Variants in IARS2 observed in about 807,000 individuals in gnomAD.
IARS2 encodes the protein isoleucine--tRNA ligase, mitochondrial.
Under a neutral mutation model 126.3 loss-of-function variants are expected in IARS2, and 56 were observed. The observed-to-expected ratio is 0.44, with a 90% confidence interval of 0.36 to 0.55. The LOEUF is 0.55. Among genes scored for constraint, IARS2 ranks in the 20% least tolerant of loss-of-function variants. The pLI, the probability that IARS2 is intolerant of heterozygous loss-of-function variation, is 0.00. For synonymous variants in IARS2, 407 were observed against 441.1 expected (o/e 0.92, Z 0.97); for missense variants, 1,127 against 1,245.9 (o/e 0.90, Z 1.44).
intron 17 of IARS2, among the ~76,000 whole-genome samples, 191 bp from the exon 18 acceptor site, chr1:220,138,817 G>T (rs1398178481): frequency 6.6e-6 from 1 of 151,974 alleles, no homozygotes; most frequent in Admixed American, 6.6e-5. Context: ...TCCTATAACT[G>T]GGCTATTGGA....
intron 2 of IARS2, 54 bp downstream of exon 2, chr1:220,096,280 T>C: frequency 9.1e-7 from 1 of 1,098,484 alleles, no homozygotes; most frequent in Non-Finnish European, 1.3e-6. Context: ...GTAAATACTC[T>C]TTATAAATGT....
chr1:220,119,279 G>C (rs1656989119), intron 12 of IARS2, among the ~76,000 whole-genome samples: 1 of 152,080 alleles, frequency 6.6e-6, no homozygotes, highest in South Asian at 2.1e-4. Context: ...AGGCCTTTGA[G>C]TAAAGTACAA....
At chr1:220,141,327 C>T (rs1368721815) in intron 19 of IARS2, among the ~76,000 whole-genome samples, 4 of 152,234 alleles carry the variant, frequency 2.6e-5, no homozygotes, top group African/African-American at 7.2e-5. Flanking sequence ...GTAGAAGAGG[C>T]CTTGATGCCA....
chr1:220,142,067 C>T (rs1266210800), intron 20 of IARS2, 119 bp downstream of exon 20: 13 of 925,524 alleles, frequency 1.4e-5, no homozygotes, highest in Middle Eastern at 2.5e-4. Context: ...CTGTGTGACA[C>T]AGTGTGTCTT....
At chr1:220,105,820 C>G (rs1656667812) in intron 8 of IARS2, 71 bp from the exon 9 acceptor site, 1 of 1,299,826 alleles carries the variant, frequency 7.7e-7, no homozygotes, top group Non-Finnish European at 1.1e-6. Context: ...ACCTGATACT[C>G]TATTGCTAAG....
chr1:220,105,365 A>G (rs778630028), intron 8 of IARS2, among the ~76,000 whole-genome samples: 2 of 152,214 alleles, frequency 1.3e-5, no homozygotes, highest in Non-Finnish European at 2.9e-5. Flanking sequence ...TTTTGTCTAG[A>G]TAGCATAATT....
rs1656604089 is a variant in IARS2 at position 220,102,778 on chromosome 1, G to A, written c.950+1G>A. ...CTGTTTGCTATATGCCTGAATCAAA[G>A]TGGGTATATTATTGCATTTTTTGTT... On this transcript the variant is annotated splice_donor_variant, in intron 7 of 22. Coordinates refer to ENST00000366922, the MANE Select transcript of IARS2 (RefSeq NM_018060.4). LOFTEE classifies it high-confidence loss of function. 2 of 1,592,290 alleles carry A rather than the reference G, an allele frequency of 1.3e-6. No individual in the cohort carries two copies. The highest frequency in any genetic ancestry group is 1.3e-5 in the African/African-American group (1 of 74,456).
At chr1:220,114,968 A>G (rs1283379154) in intron 12 of IARS2, among the ~76,000 whole-genome samples, 2 of 151,940 alleles carry the variant, frequency 1.3e-5, no homozygotes, top group South Asian at 2.1e-4. Context: ...TTGGAAAGGT[A>G]ATAGATGGAC....
chr1:220,113,637 A>ATAGAGAGAGAGAGAGATTTATTT (rs1553268851), intron 11 of IARS2, among the ~76,000 whole-genome samples: 3,863 of 151,788 alleles, frequency 0.025, 179 homozygotes, highest in African/African-American at 0.089. Context: ...ATATATATAT[A>ATAGAGAGAGAGAGAGATTTATTT]TAGAGAGAGA....
chr1:220,127,926 G>A (rs1272253754), intron 14 of IARS2, among the ~76,000 whole-genome samples: 6 of 151,846 alleles, frequency 4.0e-5, no homozygotes, highest in African/African-American at 7.3e-5. Flanking sequence ...CAGCATATTC[G>A]AGAGAAAATA....
chr1:220,116,042 C>G (rs1656906463), intron 12 of IARS2, among the ~76,000 whole-genome samples: 1 of 152,086 alleles, frequency 6.6e-6, no homozygotes, highest in African/African-American at 2.4e-5. Context: ...GACCCCATCT[C>G]TACAGAAAAA....
intron 8 of IARS2, 152 bp from the exon 9 acceptor site, chr1:220,105,739 G>A: frequency 1.6e-6 from 1 of 616,654 alleles, no homozygotes; most frequent in South Asian, 2.1e-5. Flanking sequence ...ATTATAGAAG[G>A]TCACAGAACA....
intron 12 of IARS2, among the ~76,000 whole-genome samples, chr1:220,119,127 G>A (rs773023324): frequency 1.8e-4 from 27 of 151,352 alleles, no homozygotes; most frequent in Non-Finnish European, 3.4e-4. Flanking sequence ...GCTGCTTAAT[G>A]TCCATAACAC....
chr1:220,113,041 T>A (rs1360116246), intron 11 of IARS2, among the ~76,000 whole-genome samples: 1 of 152,068 alleles, frequency 6.6e-6, no homozygotes, highest in Non-Finnish European at 1.5e-5. Flanking sequence ...TTTTTTGTAT[T>A]TTTGGTAGAG....
intron 22 of IARS2, among the ~76,000 whole-genome samples, 191 bp downstream of exon 22, chr1:220,145,844 G>C (rs1326819153): frequency 1.3e-5 from 2 of 152,152 alleles, no homozygotes; most frequent in African/African-American, 4.8e-5. Context: ...TGATGATCTT[G>C]GGAACTGAGG....
At chr1:220,097,855 A>T (rs534764115) in intron 2 of IARS2, among the ~76,000 whole-genome samples, 3 of 152,108 alleles carry the variant, frequency 2.0e-5, no homozygotes, top group Non-Finnish European at 4.4e-5. Flanking sequence ...GAATAATTCC[A>T]TAAAAAACAG....
chr1:220,146,937 G>A (rs1014697705), intron 22 of IARS2, among the ~76,000 whole-genome samples: 75 of 152,278 alleles, frequency 4.9e-4, no homozygotes, highest in African/African-American at 1.8e-3. Flanking sequence ...ATCCCAAAAT[G>A]CTGGGATTAC....
intron 14 of IARS2, among the ~76,000 whole-genome samples, chr1:220,127,677 A>G (rs1657181833): frequency 6.6e-6 from 1 of 152,186 alleles, no homozygotes; most frequent in Admixed American, 6.5e-5. Flanking sequence ...GAGTAAGGGT[A>G]TGTGGGAAAA....
rs183948975 is a variant in IARS2 at position 220,104,432 on chromosome 1, G to A, written c.1066+870G>A. Among the ~76,000 whole-genome samples, 388 of 152,284 alleles carry A rather than the reference G, an allele frequency of 2.5e-3. 2 individuals are homozygous for A. Among genetic ancestry groups the A allele is most frequent in the African/African-American group, 8.6e-3 (356 of 41,562 alleles). On this transcript the variant is annotated intron_variant, in intron 8 of 22. Transcript: ENST00000366922. ...GTGGTCTTGCTCTGTTGCCCAGGCTGGAGTGCAGTGGTGCCATCTTGGCTC... is the reference window on the plus strand; with the variant it reads ...GTGGTCTTGCTCTGTTGCCCAGGCTAGAGTGCAGTGGTGCCATCTTGGCTC...
Sources: allele counts gnomAD v4.1 joint callset (sites outside exome capture counted in the v4.1 genomes callset), GRCh38; gene constraint gnomAD v4.1.1; transcripts MANE v1.5; gene names NCBI Gene and HGNC (gene_info 2026-07-23, HGNC 2026-07-21).